Variants in ROBO2 observed in about 807,000 individuals in gnomAD.
ROBO2 encodes the protein roundabout guidance receptor 2.
Under a neutral mutation model 160.8 loss-of-function variants are expected in ROBO2, and 53 were observed. The ratio of observed to expected loss-of-function variants is 0.33; its 90% CI spans 0.26 to 0.41. ROBO2 has a LOEUF of 0.41. Among genes scored for constraint, ROBO2 ranks in the 10% least tolerant of loss-of-function variants. The pLI, the probability that ROBO2 is intolerant of heterozygous loss-of-function variation, is 1.00. For synonymous variants in ROBO2, 664 were observed against 611.7 expected, an observed-to-expected ratio of 1.09 and a Z score of -1.26; for missense variants, 1,577 against 1,722.4, an observed-to-expected ratio of 0.92 and a Z score of 1.49.
chr3:76,796,533 AAGGAAGGG>A (rs2063716093), intron 2 of ROBO2, among the ~76,000 whole-genome samples: 1 of 151,206 alleles, frequency 6.6e-6, no homozygotes, highest in African/African-American at 2.4e-5. Flanking sequence ...GGAAGGAAGG[AAGGAAGGG>A]AGGAGCCACA....
chr3:76,541,665 A>T (rs2082826453), intron 2 of ROBO2, among the ~76,000 whole-genome samples: 1 of 152,180 alleles, frequency 6.6e-6, no homozygotes, highest in Non-Finnish European at 1.5e-5. Context: ...GTAAGAGAGG[A>T]GGCGCTTCCC....
chr3:76,426,708 A>T (rs546257185), intron 2 of ROBO2, among the ~76,000 whole-genome samples: 1 of 152,090 alleles, frequency 6.6e-6, no homozygotes, highest in Non-Finnish European at 1.5e-5. Context: ...ACATAATTAA[A>T]TGTGCTTGTA....
At chr3:76,717,510 A>C (rs1229372648) in intron 2 of ROBO2, among the ~76,000 whole-genome samples, 1 of 151,434 alleles carries the variant, frequency 6.6e-6, no homozygotes, top group Non-Finnish European at 1.5e-5. Context: ...AAAAAAAGAA[A>C]AAAGAAAAGC....
At chr3:77,239,015 G>A (rs572353765) in intron 2 of ROBO2, among the ~76,000 whole-genome samples, 1 of 152,320 alleles carries the variant, frequency 6.6e-6, no homozygotes, top group African/African-American at 2.4e-5. Context: ...AAGTCCTGCA[G>A]TCAGCCCTGT....
At chr3:76,332,017 T>G (rs1012223802) in intron 2 of ROBO2, among the ~76,000 whole-genome samples, 4 of 152,214 alleles carry the variant, frequency 2.6e-5, no homozygotes, top group Non-Finnish European at 5.9e-5. Flanking sequence ...ATAGAAGATT[T>G]GTTGTCATGT....
intron 2 of ROBO2, among the ~76,000 whole-genome samples, chr3:76,108,473 T>C (rs1447300310): frequency 6.6e-6 from 1 of 151,998 alleles, no homozygotes. Context: ...ATATCAACTA[T>C]TTTTTGTTTT....
intron 2 of ROBO2, among the ~76,000 whole-genome samples, chr3:76,693,688 G>A (rs184452081): frequency 1.3e-5 from 2 of 152,190 alleles, no homozygotes; most frequent in Admixed American, 6.5e-5. Flanking sequence ...TCAGCCTGAG[G>A]CCAAAGCCTG....
chr3:76,968,028 T>G (rs2059394053), intron 2 of ROBO2, among the ~76,000 whole-genome samples: 1 of 152,088 alleles, frequency 6.6e-6, no homozygotes, highest in Non-Finnish European at 1.5e-5. Flanking sequence ...TGTTTTTGTT[T>G]TGTTTGCTTG....
intron 2 of ROBO2, among the ~76,000 whole-genome samples, chr3:77,428,186 A>C (rs1445062198): frequency 6.6e-6 from 1 of 152,138 alleles, no homozygotes; most frequent in African/African-American, 2.4e-5. Flanking sequence ...ATTAATTTAG[A>C]AAATTGATAT....
chr3:76,993,754 C>A (rs1384384411), intron 2 of ROBO2, among the ~76,000 whole-genome samples: 1 of 152,012 alleles, frequency 6.6e-6, no homozygotes, highest in African/African-American at 2.4e-5. Flanking sequence ...AAACATGAGA[C>A]CCATGGGAGT....
intron 2 of ROBO2, among the ~76,000 whole-genome samples, chr3:77,454,713 A>T (rs1055993339): frequency 5.6e-4 from 85 of 152,262 alleles, no homozygotes; most frequent in Middle Eastern, 3.4e-3. Flanking sequence ...ACTCTTAAAA[A>T]TTTCTAGGAT....
At chr3:77,640,249 C>T (rs183804291) in intron 24 of ROBO2, among the ~76,000 whole-genome samples, 188 of 151,952 alleles carry the variant, frequency 1.2e-3, no homozygotes, top group Middle Eastern at 3.4e-3. Flanking sequence ...GTAGCTGGGA[C>T]TAAAGGCGCC....
intron 2 of ROBO2, among the ~76,000 whole-genome samples, chr3:76,851,474 G>T (rs978810810): frequency 6.6e-6 from 1 of 151,894 alleles, no homozygotes. Context: ...GGTGGCTCAC[G>T]CCTGTAATCC....
chr3:77,584,969 C>CAT (rs199891931), intron 16 of ROBO2, among the ~76,000 whole-genome samples: 2,594 of 146,414 alleles, frequency 0.018, 45 homozygotes, highest in African/African-American at 0.047. Flanking sequence ...TATATACACA[C>CAT]ATATATATAT....
chr3:76,831,172 T>C (rs1219263771), intron 2 of ROBO2, among the ~76,000 whole-genome samples: 1 of 152,186 alleles, frequency 6.6e-6, no homozygotes, highest in Non-Finnish European at 1.5e-5. Flanking sequence ...GAGATAACGT[T>C]GTACATCTAG....
intron 2 of ROBO2, among the ~76,000 whole-genome samples, chr3:76,955,293 G>T (rs1439193401): frequency 6.6e-6 from 1 of 152,182 alleles, no homozygotes; most frequent in Non-Finnish European, 1.5e-5. Flanking sequence ...TCTGCCTCTT[G>T]GTTACTATGA....
chr3:77,017,391 C>A (rs1159175359), intron 2 of ROBO2, among the ~76,000 whole-genome samples: 2 of 152,108 alleles, frequency 1.3e-5, no homozygotes, highest in African/African-American at 2.4e-5. Flanking sequence ...GATTATTTGA[C>A]CCCATCAGAG....
chr3:77,457,006 T>G (rs1268780312), intron 2 of ROBO2, among the ~76,000 whole-genome samples: 1 of 152,188 alleles, frequency 6.6e-6, no homozygotes, highest in Non-Finnish European at 1.5e-5. Flanking sequence ...AGATAAACCT[T>G]GCTATTTGCT....
intron 2 of ROBO2, among the ~76,000 whole-genome samples, chr3:76,128,066 T>C (rs1317833572): frequency 5.3e-5 from 8 of 151,828 alleles, no homozygotes; most frequent in Admixed American, 5.3e-4. Context: ...CAGCTAATTT[T>C]TGCATTTTTA....
Sources: gnomAD v4.1 joint callset for allele counts (sites outside exome capture counted in the v4.1 genomes callset) on GRCh38, gnomAD v4.1.1 for gene constraint, MANE v1.5 for transcripts, NCBI Gene and HGNC (gene_info 2026-07-23, HGNC 2026-07-21) for gene names.